Variants in SLX9 observed in about 807,000 individuals in gnomAD.
The protein encoded by SLX9 is SLX9 ribosome biogenesis factor, also known as ribosome biogenesis protein SLX9 homolog.
SLX9 carries 19 observed loss-of-function variants against 20.8 expected under a neutral mutation model. The ratio of observed to expected loss-of-function variants is 0.91; its 90% CI spans 0.64 to 1.34. The LOEUF (loss-of-function observed/expected upper bound fraction) is 1.34, where lower values mean the gene tolerates loss of function less well. Ranked by LOEUF, SLX9 falls within the 40% of genes most tolerant of loss-of-function variation. The pLI, the probability that SLX9 is intolerant of heterozygous loss-of-function variation, is 0.00. For synonymous variants in SLX9, 113 were observed against 137.1 expected, an observed-to-expected ratio of 0.82 and a Z score of 1.23; for missense variants, 299 against 322.2, an observed-to-expected ratio of 0.93 and a Z score of 0.55.
chr21:44,950,922 G>A (rs1481212931), intron 2 of SLX9, among the ~76,000 whole-genome samples: 1 of 152,148 alleles, frequency 6.6e-6, no homozygotes, highest in African/African-American at 2.4e-5. Flanking sequence ...ACAGAGACTG[G>A]CCCAGGCGGG....
chr21:44,972,448 G>T (rs578062624), intron 4 of SLX9, among the ~76,000 whole-genome samples: 2 of 152,290 alleles, frequency 1.3e-5, no homozygotes, highest in East Asian at 3.9e-4. Context: ...CTTAGTCAAG[G>T]CCCAGCTTGG....
At chr21:44,960,317 T>C in intron 3 of SLX9, 149 bp downstream of exon 3, 2 of 758,256 alleles carry the variant, frequency 2.6e-6, no homozygotes, top group Non-Finnish European at 2.2e-6. Flanking sequence ...CTTCAGAGGC[T>C]GCTGTGGGGG....
At chr21:44,962,889 C>T (rs2084969284) in intron 3 of SLX9, among the ~76,000 whole-genome samples, 1 of 152,152 alleles carries the variant, frequency 6.6e-6, no homozygotes, top group South Asian at 2.1e-4. Flanking sequence ...CGGTGGTACT[C>T]ATTTCCGTTG....
rs537854045 is a variant in SLX9, at chr21:44,947,149, C to T, written c.283+3312C>T. On this transcript the variant is annotated intron_variant, in intron 2 of 5. Transcript: ENST00000291634. ...CTCCTCAGCTCCTGATTGGCTGGTG[C>T]CCTGCGTCCCTACCCCCACCCCACC... Among the ~76,000 whole-genome samples, 46 of 152,334 alleles carry T rather than the reference C, an allele frequency of 3.0e-4. No homozygotes were observed. The East Asian group carries it at 8.1e-3, about 27-fold the overall frequency.
chr21:44,960,275 C>G, intron 3 of SLX9, 107 bp downstream of exon 3: 2 of 1,047,644 alleles, frequency 1.9e-6, no homozygotes, highest in Non-Finnish European at 2.9e-6. Flanking sequence ...GCCACACTCC[C>G]CGAGGAGTGC....
intron 3 of SLX9, 40 bp downstream of exon 3, chr21:44,960,208 A>T: frequency 6.3e-7 from 1 of 1,587,704 alleles, no homozygotes; most frequent in Non-Finnish European, 8.7e-7. Context: ...TGCCGGCCCA[A>T]GTCCCATCCC....
chr21:44,952,723 C>T (rs1157555932), intron 2 of SLX9, among the ~76,000 whole-genome samples: 1 of 152,200 alleles, frequency 6.6e-6, no homozygotes, highest in African/African-American at 2.4e-5. Context: ...GTCATGTGCT[C>T]CGGGCGCCCC....
chr21:44,970,373 C>A (rs1224657087), intron 4 of SLX9, among the ~76,000 whole-genome samples: 1 of 152,232 alleles, frequency 6.6e-6, no homozygotes, highest in East Asian at 1.9e-4. Context: ...GCAGTTGCCC[C>A]CAGCTCCCTT....
At chr21:44,960,960 T>C (rs2838747) in intron 3 of SLX9, among the ~76,000 whole-genome samples, 8,261 of 152,352 alleles carry the variant, frequency 0.054, 719 homozygotes, top group African/African-American at 0.19. Flanking sequence ...TCTGCTTTAT[T>C]TTTTCCTTGG....
At chr21:44,971,141 G>A (rs13045995) in intron 4 of SLX9, among the ~76,000 whole-genome samples, 15 of 145,916 alleles carry the variant, frequency 1.0e-4, no homozygotes, top group African/African-American at 2.0e-4. Flanking sequence ...GTGGACCTCC[G>A]CCTCCTGTGT....
chr21:44,956,749 AC>A (rs2146641926), intron 2 of SLX9, among the ~76,000 whole-genome samples: 1 of 152,260 alleles, frequency 6.6e-6, no homozygotes, highest in East Asian at 1.9e-4. Context: ...GAACCGTGTC[AC>A]CCCACGGCCC....
intron 5 of SLX9, among the ~76,000 whole-genome samples, chr21:44,976,325 T>C (rs1362008273): frequency 3.9e-5 from 6 of 152,326 alleles, no homozygotes; most frequent in Non-Finnish European, 7.4e-5. Context: ...CCTATTTTGG[T>C]TGCCCGTGGA....
chr21:44,976,627 G>T, intron 5 of SLX9, 53 bp from the exon 6 acceptor site: 1 of 1,549,902 alleles, frequency 6.5e-7, no homozygotes. Flanking sequence ...GTGTTGAGGG[G>T]CTGAGGGGTC....
chr21:44,960,031 A>C, intron 2 of SLX9, 69 bp from the exon 3 acceptor site: 3 of 1,395,322 alleles, frequency 2.2e-6, no homozygotes, highest in Non-Finnish European at 3.1e-6. Context: ...GACCCGCCCC[A>C]GCCCATTCTC....
At chr21:44,972,924 C>T in intron 4 of SLX9, 1 of 40,238 alleles carries the variant, frequency 2.5e-5, no homozygotes, top group Non-Finnish European at 4.2e-5. Flanking sequence ...CACCAGATTC[C>T]ACACGGAGCA....
At chr21:44,955,286 C>T (rs1439450385) in intron 2 of SLX9, among the ~76,000 whole-genome samples, 1 of 152,194 alleles carries the variant, frequency 6.6e-6, no homozygotes, top group African/African-American at 2.4e-5. Context: ...CTCCTAGTCC[C>T]CTGTGCTCCT....
intron 5 of SLX9, among the ~76,000 whole-genome samples, chr21:44,974,312 G>A (rs1156924076): frequency 3.3e-5 from 5 of 151,468 alleles, no homozygotes; most frequent in Non-Finnish European, 4.4e-5. Context: ...TTGTGAGTTC[G>A]ATTATGCTTA....
chr21:44,968,954 C>T (rs984928543), intron 4 of SLX9, among the ~76,000 whole-genome samples: 5 of 152,200 alleles, frequency 3.3e-5, no homozygotes, highest in African/African-American at 4.8e-5. Flanking sequence ...GGGGTTTCAC[C>T]GTGTTAGCCA....
At chr21:44,944,671 G>A (rs941465040) in intron 2 of SLX9, among the ~76,000 whole-genome samples, 1 of 151,866 alleles carries the variant, frequency 6.6e-6, no homozygotes, top group Non-Finnish European at 1.5e-5. Context: ...GCCTGGCTGT[G>A]GGGGCAGAGC....
Sources: gnomAD v4.1 joint callset for allele counts (sites outside exome capture counted in the v4.1 genomes callset) on GRCh38, gnomAD v4.1.1 for gene constraint, MANE v1.5 for transcripts, NCBI Gene and HGNC (gene_info 2026-07-23, HGNC 2026-07-21) for gene names.